The following ST6GALNAC3 variants were observed in gnomAD, a reference collection of about 807,000 sequenced individuals.
The protein encoded by ST6GALNAC3 is alpha-N-acetylgalactosaminide alpha-2,6-sialyltransferase 3.
ST6GALNAC3 carries 25 observed loss-of-function variants against 32.7 expected under a neutral mutation model. The ratio of observed to expected loss-of-function variants is 0.76; its 90% CI spans 0.56 to 1.07. The LOEUF is 1.07. Ranked by LOEUF, ST6GALNAC3 falls within the 50% of genes least tolerant of loss-of-function variation. The pLI is 0.00. For missense variants in ST6GALNAC3, 355 were observed against 382.4 expected (o/e 0.93, Z 0.60); for synonymous variants, 129 against 133.1 (o/e 0.97, Z 0.21).
At chr1:76,202,494 A>G (rs1654585727) in intron 1 of ST6GALNAC3, among the ~76,000 whole-genome samples, 1 of 152,100 alleles carries the variant, frequency 6.6e-6, no homozygotes, top group Non-Finnish European at 1.5e-5. Flanking sequence ...CCTCCACCCC[A>G]AGTTCTCTCC....
chr1:76,486,024 T>G (rs1660087455), intron 3 of ST6GALNAC3, among the ~76,000 whole-genome samples: 1 of 152,232 alleles, frequency 6.6e-6, no homozygotes, highest in Non-Finnish European at 1.5e-5. Flanking sequence ...TTCCATGTAG[T>G]TGAGCAGTTT....
In ST6GALNAC3 at chr1:76,094,428, T is replaced by C. The variant is rs78494434; in HGVS notation, c.18+19544T>C. Among the ~76,000 whole-genome samples the C allele has an allele frequency of 6.3e-3, 966 of 152,322 alleles. 13 individuals are homozygous for C. Among genetic ancestry groups the C allele is most frequent in the African/African-American group, 0.022 (919 of 41,558 alleles). Reference sequence around the variant, plus strand: ...AGCTTCCCAAGTGCTAGGCATGATTTAGTCCCATAATATCCTTATTCTCCA... The same window carrying C: ...AGCTTCCCAAGTGCTAGGCATGATTCAGTCCCATAATATCCTTATTCTCCA... On this transcript the variant is annotated intron_variant, in intron 1 of 4. Coordinates refer to ENST00000328299, the MANE Select transcript of ST6GALNAC3 (RefSeq NM_152996.4).
intron 1 of ST6GALNAC3, among the ~76,000 whole-genome samples, chr1:76,264,233 C>T (rs1407614315): frequency 6.6e-6 from 1 of 152,110 alleles, no homozygotes; most frequent in Non-Finnish European, 1.5e-5. Flanking sequence ...TAGCTCTAGG[C>T]AGCCACATCA....
chr1:76,497,796 G>A (rs1660945213), intron 3 of ST6GALNAC3, among the ~76,000 whole-genome samples: 1 of 152,162 alleles, frequency 6.6e-6, no homozygotes, highest in Non-Finnish European at 1.5e-5. Context: ...AACGGCTGAA[G>A]ACTGATATCT....
chr1:76,417,109 G>A (rs866394481), intron 3 of ST6GALNAC3, among the ~76,000 whole-genome samples: 8 of 152,014 alleles, frequency 5.3e-5, no homozygotes, highest in Middle Eastern at 3.4e-3. Flanking sequence ...AAATTATTTG[G>A]CTTGTCAATT....
intron 3 of ST6GALNAC3, among the ~76,000 whole-genome samples, chr1:76,529,670 G>T (rs1224902945): frequency 6.6e-6 from 1 of 152,146 alleles, no homozygotes; most frequent in East Asian, 1.9e-4. Context: ...TACCAATCTT[G>T]TGGCGTTTTT....
chr1:76,213,862 A>G (rs1655311634), intron 1 of ST6GALNAC3, among the ~76,000 whole-genome samples: 2 of 152,192 alleles, frequency 1.3e-5, no homozygotes, highest in Non-Finnish European at 2.9e-5. Flanking sequence ...CATCTCACAA[A>G]AGGGATATGT....
chr1:76,550,151 T>C (rs1196209139), intron 3 of ST6GALNAC3, among the ~76,000 whole-genome samples: 2 of 152,230 alleles, frequency 1.3e-5, no homozygotes, highest in African/African-American at 4.8e-5. Context: ...TGTTGCTTTA[T>C]TAATAGCAGT....
At chr1:76,101,705 C>T (rs1041823856) in intron 1 of ST6GALNAC3, among the ~76,000 whole-genome samples, 3 of 152,110 alleles carry the variant, frequency 2.0e-5, no homozygotes, top group African/African-American at 7.2e-5. Flanking sequence ...TAGGGTTCCC[C>T]TTAAGTACTG....
At chr1:76,317,663 A>C (rs1307126948) in intron 2 of ST6GALNAC3, among the ~76,000 whole-genome samples, 1 of 152,172 alleles carries the variant, frequency 6.6e-6, no homozygotes, top group African/African-American at 2.4e-5. Context: ...GCATGCCAGC[A>C]GTGATTTCCA....
intron 2 of ST6GALNAC3, among the ~76,000 whole-genome samples, chr1:76,344,651 G>A (rs1015593427): frequency 6.6e-6 from 1 of 152,144 alleles, no homozygotes; most frequent in African/African-American, 2.4e-5. Context: ...CCCCTGGAGA[G>A]GGAGATATGG....
intron 3 of ST6GALNAC3, among the ~76,000 whole-genome samples, chr1:76,575,208 C>T (rs1646781483): frequency 1.3e-5 from 2 of 152,084 alleles, no homozygotes; most frequent in South Asian, 4.1e-4. Flanking sequence ...GATAATCATT[C>T]TAAAGTTCCT....
intron 3 of ST6GALNAC3, among the ~76,000 whole-genome samples, chr1:76,508,154 A>G (rs1193085831): frequency 1.3e-5 from 2 of 152,056 alleles, no homozygotes; most frequent in East Asian, 1.9e-4. Flanking sequence ...TGGAAGAAAA[A>G]TTTTCCATGA....
At chr1:76,370,697 G>A (rs1428039251) in intron 2 of ST6GALNAC3, among the ~76,000 whole-genome samples, 1 of 152,048 alleles carries the variant, frequency 6.6e-6, no homozygotes, top group East Asian at 1.9e-4. Flanking sequence ...TTTATATAGA[G>A]ACTAGAAAAT....
intron 3 of ST6GALNAC3, among the ~76,000 whole-genome samples, chr1:76,478,217 A>G (rs1464117445): frequency 6.6e-6 from 1 of 152,158 alleles, no homozygotes; most frequent in African/African-American, 2.4e-5. Context: ...TTTAGCCCAC[A>G]TGATGATCTT....
Position 76,628,977 on chromosome 1 carries a change from C to T in ST6GALNAC3, c.*171C>T. 1 of 1,412,046 alleles carries T rather than the reference C, an allele frequency of 7.1e-7. No homozygotes were observed. Among genetic ancestry groups the T allele is most frequent in the African/African-American group, 1.5e-5 (1 of 68,128 alleles). The allele number at this position is 1,412,046 out of a possible 1,614,324, so 87.5% of individuals were successfully genotyped here. On this transcript the variant is annotated 3_prime_UTR_variant, in exon 5 of 5. Coordinates refer to ENST00000328299, the MANE Select transcript of ST6GALNAC3 (RefSeq NM_152996.4). ...GACTCTGCTAGTAATTTAAACTTGG[C>T]ATTTCATGGAGGATGGTTGTGCTCA...
At chr1:76,477,653 A>G (rs1659441622) in intron 3 of ST6GALNAC3, among the ~76,000 whole-genome samples, 1 of 152,084 alleles carries the variant, frequency 6.6e-6, no homozygotes, top group Non-Finnish European at 1.5e-5. Context: ...ACAGAGCTAG[A>G]CTGGTCTGCC....
rs115881202 is a variant in ST6GALNAC3 at position 76,459,293 on chromosome 1, G to A, written c.623+46876G>A. 1.5e-3 allele frequency among the ~76,000 whole-genome samples: 231 copies of A among 152,248 alleles called. 1 individual carries two copies. Among genetic ancestry groups the A allele is most frequent in the African/African-American group, 5.4e-3 (225 of 41,556 alleles). ...TATGGAGATAGAATAGAATTGGCAT[G>A]GTGTCTCACGCCTGTAATCCCAGCA... On this transcript the variant is annotated intron_variant, in intron 3 of 4. Coordinates refer to ENST00000328299, the MANE Select transcript of ST6GALNAC3 (RefSeq NM_152996.4).
chr1:76,428,796 A>T (rs769188499), intron 3 of ST6GALNAC3, among the ~76,000 whole-genome samples: 11 of 152,172 alleles, frequency 7.2e-5, no homozygotes, highest in Non-Finnish European at 1.5e-4. Context: ...AGCTAATGAA[A>T]GTGTGACAAT....
Sources: gnomAD v4.1 joint callset for allele counts (sites outside exome capture counted in the v4.1 genomes callset) on GRCh38, gnomAD v4.1.1 for gene constraint, MANE v1.5 for transcripts, NCBI Gene and HGNC (gene_info 2026-07-23, HGNC 2026-07-21) for gene names.